The following COL25A1 variants were observed in gnomAD, a reference collection of about 807,000 sequenced individuals.
The protein encoded by COL25A1 is collagen alpha-1(XXV) chain.
Under a neutral mutation model 128.4 loss-of-function variants are expected in COL25A1, and 103 were observed. That is an observed-to-expected ratio of 0.80 (90% CI 0.68 to 0.94). The LOEUF (loss-of-function observed/expected upper bound fraction) is 0.94. Among genes scored for constraint, COL25A1 ranks in the 40% least tolerant of loss-of-function variants. COL25A1 has a pLI of 0.00. For synonymous variants in COL25A1, 279 were observed against 277.2 expected (o/e 1.01, Z -0.06); for missense variants, 745 against 840.0 (o/e 0.89, Z 1.40).
chr4:109,204,191 AATC>A (rs1227495836), intron 3 of COL25A1, among the ~76,000 whole-genome samples: 1 of 152,162 alleles, frequency 6.6e-6, no homozygotes, highest in Admixed American at 6.6e-5. Context: ...CTTTTATCAT[AATC>A]ATCATGAGTT....
intron 31 of COL25A1, chr4:108,834,242 C>T (rs1238466561): frequency 8.9e-7 from 1 of 1,128,084 alleles, no homozygotes; most frequent in Non-Finnish European, 1.3e-6. Flanking sequence ...TTTACTCCAG[C>T]TCTAAGTACA....
chr4:108,869,621 G>T (rs1312502550), intron 19 of COL25A1, among the ~76,000 whole-genome samples: 3 of 152,152 alleles, frequency 2.0e-5, no homozygotes, highest in African/African-American at 7.2e-5. Flanking sequence ...GAGAGGTAGA[G>T]AACTGGTGTT....
At chr4:108,913,447 G>A (rs1006059222) in intron 13 of COL25A1, among the ~76,000 whole-genome samples, 2 of 151,706 alleles carry the variant, frequency 1.3e-5, no homozygotes, top group South Asian at 2.1e-4. Flanking sequence ...TAGTACAGAC[G>A]GGGTTTCCCC....
At chr4:108,938,483 C>T (rs1747694436) in intron 10 of COL25A1, among the ~76,000 whole-genome samples, 2 of 152,048 alleles carry the variant, frequency 1.3e-5, no homozygotes, top group East Asian at 3.9e-4. Context: ...GAGGCTGAGG[C>T]AGGAGGACTG....
intron 5 of COL25A1, among the ~76,000 whole-genome samples, chr4:109,036,562 T>A (rs1759374642): frequency 6.6e-6 from 1 of 152,094 alleles, no homozygotes; most frequent in South Asian, 2.1e-4. Flanking sequence ...GGATAAATAA[T>A]CCACATAACT....
intron 3 of COL25A1, among the ~76,000 whole-genome samples, chr4:109,140,703 T>C (rs1185528044): frequency 6.6e-6 from 1 of 152,208 alleles, no homozygotes. Context: ...CAATTGTGAA[T>C]GGGAGTTCAC....
Position 108,809,531 on chromosome 4 carries a change from T to C in COL25A1, c.*4396A>G, listed in dbSNP as rs1027665102. On this transcript the variant is annotated 3_prime_UTR_variant, in exon 38 of 38. Transcript: ENST00000399132. ...AATAAATCACACATAACGGTTTAGGTTGAAAAAGTCTTCTTATGCCCAAAA... is the reference window on the plus strand; with the variant it reads ...AATAAATCACACATAACGGTTTAGGCTGAAAAAGTCTTCTTATGCCCAAAA... The C allele has an allele frequency of 1.8e-5, 2 of 112,058 alleles. No homozygotes were observed. The highest frequency in any genetic ancestry group is 2.7e-5 in the African/African-American group (1 of 37,156). 6.9% of individuals were successfully genotyped at this position (112,058 alleles called of 1,614,324 possible).
At position 108,851,259 on chromosome 4, in the gene COL25A1, C is replaced by T. The variant is rs189781841; in HGVS notation, c.1389+977G>A. On this transcript the variant is annotated intron_variant, in intron 26 of 37. Transcript: ENST00000399132. ...GAAATAGAAAGTTAAAAATCCCACA[C>T]CTTATATTAATGTTATACAAGAAAT... Among the ~76,000 whole-genome samples the T allele has an allele frequency of 2.0e-5, 3 of 152,002 alleles. No individual in the cohort carries two copies. The East Asian group carries it at 5.8e-4, about 29-fold the overall frequency.
At chr4:109,139,335 G>T (rs1376202281) in intron 3 of COL25A1, among the ~76,000 whole-genome samples, 4 of 152,110 alleles carry the variant, frequency 2.6e-5, no homozygotes, top group African/African-American at 9.7e-5. Context: ...AGTTTAATTA[G>T]ATCTCATTTG....
intron 3 of COL25A1, among the ~76,000 whole-genome samples, chr4:109,134,515 C>T (rs1340741764): frequency 6.6e-6 from 1 of 152,160 alleles, no homozygotes; most frequent in Non-Finnish European, 1.5e-5. Context: ...CAAAGAAGCG[C>T]ATTCCCCATT....
chr4:108,833,892 G>C (rs1733459608), intron 31 of COL25A1, among the ~76,000 whole-genome samples: 1 of 152,190 alleles, frequency 6.6e-6, no homozygotes, highest in Non-Finnish European at 1.5e-5. Flanking sequence ...TCTATGAACA[G>C]AAATTGAAAG....
chr4:108,842,121 A>G, intron 30 of COL25A1, among the ~76,000 whole-genome samples: 1 of 152,192 alleles, frequency 6.6e-6, no homozygotes, highest in Admixed American at 6.5e-5. Flanking sequence ...GAGAAGCCCC[A>G]GACTTTAAGT....
intron 3 of COL25A1, among the ~76,000 whole-genome samples, chr4:109,211,317 T>TGAAACAATTAAA (rs1777537567): frequency 1.1e-5 from 1 of 92,712 alleles, no homozygotes. Flanking sequence ...TATATATATA[T>TGAAACAATTAAA]ATATATATAT....
chr4:108,862,169 C>T (rs914560462), intron 22 of COL25A1, among the ~76,000 whole-genome samples: 8 of 151,796 alleles, frequency 5.3e-5, no homozygotes, highest in African/African-American at 9.7e-5. Context: ...ACAAAGACAG[C>T]GAGGAAATGA....
At position 109,004,315 on chromosome 4, in the gene COL25A1, T is replaced by C. The variant is rs1461569183; in HGVS notation, c.438+6043A>G. 2.0e-5 allele frequency among the ~76,000 whole-genome samples: 3 copies of C among 152,272 alleles called. No homozygotes were observed. In the East Asian group the frequency reaches 5.8e-4, roughly 29 times the overall value. The stretch of plus-strand genomic sequence containing the variant: ...CACTGAATAATAGACAGTTTCCCTT[T>C]TTACCATCAGTCTGCAAAATAAAAC... On this transcript the variant is annotated intron_variant, in intron 6 of 37. Transcript: ENST00000399132.
rs1352707588 is a variant in COL25A1 at position 109,183,978 on chromosome 4, C to A, written c.367+116605G>T. Among the ~76,000 whole-genome samples, 4 of 149,068 alleles carry A rather than the reference C, an allele frequency of 2.7e-5. 1 individual carries two copies. The highest frequency in any genetic ancestry group is 4.3e-4 in the South Asian group (2 of 4,688). ...AGAAACTCTTTCAAAGGTCCTTTCA[C>A]AACTCTCTTTGAGGCCTGCTTCATG... is the stretch of plus-strand genomic sequence containing the variant. On this transcript the variant is annotated intron_variant, in intron 3 of 37. Transcript: ENST00000399132.
At chr4:109,153,825 T>A (rs1034196245) in intron 3 of COL25A1, among the ~76,000 whole-genome samples, 2 of 152,190 alleles carry the variant, frequency 1.3e-5, no homozygotes, top group East Asian at 3.9e-4. Context: ...ACACCACATA[T>A]ACTTTAGTTC....
intron 3 of COL25A1, among the ~76,000 whole-genome samples, chr4:109,270,687 C>T (rs192791379): frequency 2.0e-5 from 3 of 152,266 alleles, no homozygotes; most frequent in African/African-American, 7.2e-5. Context: ...GTGACACTAA[C>T]AGTATATGGA....
At chr4:108,886,347 G>A (rs919949655) in intron 18 of COL25A1, among the ~76,000 whole-genome samples, 6 of 151,878 alleles carry the variant, frequency 4.0e-5, no homozygotes, top group Non-Finnish European at 7.4e-5. Context: ...GGACAACTGT[G>A]TCCAACCCAC....
Sources: gnomAD v4.1 joint callset for allele counts (sites outside exome capture counted in the v4.1 genomes callset) on GRCh38, gnomAD v4.1.1 for gene constraint, MANE v1.5 for transcripts, NCBI Gene and HGNC (gene_info 2026-07-23, HGNC 2026-07-21) for gene names.